MTX3: variants seen among roughly 807,000 people sequenced by gnomAD.
MTX3 encodes the protein metaxin-3.
Under a neutral mutation model 42.5 loss-of-function variants are expected in MTX3, and 27 were observed. The ratio of observed to expected loss-of-function variants is 0.64; its 90% CI spans 0.47 to 0.88. The LOEUF (loss-of-function observed/expected upper bound fraction) is 0.88, where lower values mean the gene tolerates loss of function less well. Ranked by LOEUF, MTX3 falls within the 40% of genes least tolerant of loss-of-function variation. The pLI is 0.00. For missense variants in MTX3, 378 were observed against 367.0 expected (o/e 1.03, Z -0.25); for synonymous variants, 144 against 132.9 (o/e 1.08, Z -0.57).
intron 7 of MTX3, 72 bp from the exon 8 acceptor site, chr5:79,985,731 G>A: frequency 9.2e-7 from 1 of 1,090,154 alleles, no homozygotes; most frequent in East Asian, 2.5e-5. Context: ...TAGATTGAAA[G>A]AATTTTGAGT....
chr5:79,988,396 C>G, intron 5 of MTX3, 66 bp downstream of exon 5: 1 of 1,549,720 alleles, frequency 6.5e-7, no homozygotes, highest in African/African-American at 1.4e-5. Context: ...TAGGTAAACT[C>G]AAGTCTGCAT....
Position 79,991,190 on chromosome 5 carries a change from G to A in MTX3, c.49C>T (p.Pro17Ser), listed in dbSNP as rs1370170845. Residue 17 changes from proline (P) to serine (S), a missense_variant, in exon 1 of 9, where the codon CCA (proline) becomes TCA (serine). Coordinates refer to ENST00000512528, the MANE Select transcript of MTX3 (RefSeq NM_001363818.2). ...ACCAGGGACTCGCTGTGAACCGATG[G>A]GAGTCCCCAGCCGCCTCCCCAGCAA... ...LSCWGGGWGL[P>S]SVHSESLVVM... 1 of 1,499,764 alleles carries A rather than the reference G, an allele frequency of 6.7e-7. No homozygotes were observed. The highest frequency in any genetic ancestry group is 1.3e-5 in the South Asian group (1 of 77,368). 92.9% of individuals were successfully genotyped at this position (1,499,764 alleles called of 1,614,324 possible).
intron 8 of MTX3, 68 bp from the exon 9 acceptor site, chr5:79,983,862 C>T: frequency 1.0e-6 from 1 of 986,728 alleles, no homozygotes; most frequent in South Asian, 1.4e-5. Flanking sequence ...GTGGCCTCCC[C>T]ATCCAAACTA....
At chr5:79,991,085 A>C in intron 1 of MTX3, 73 bp downstream of exon 1, 1 of 1,416,322 alleles carries the variant, frequency 7.1e-7, no homozygotes, top group Non-Finnish European at 9.8e-7. Flanking sequence ...GCAGCGGGAA[A>C]CTGGGGCAAG....
rs1400700896 is a variant in MTX3 at position 79,976,982 on chromosome 5, A to ATGTT, written c.*6698_*6701dup. 6.6e-6 allele frequency: 1 copy of ATGTT among 152,344 alleles called. No individual in the cohort carries two copies. 9.4% of individuals were successfully genotyped at this position (152,344 alleles called of 1,614,324 possible). A position where few individuals can be genotyped will look rare whatever the true frequency, so the allele number is the denominator to read the frequency against. ...TGCAACTAGAACAGATGTTTTTAAA[A>ATGTT]TGTTTGCCATTCAAAGATAGGCTTG... On this transcript the variant is annotated 3_prime_UTR_variant, in exon 9 of 9. Transcript: ENST00000512528.
Position 79,979,340 on chromosome 5 carries a change from A to T in MTX3, c.*4344T>A, listed in dbSNP as rs1012783683. 1.1e-4 allele frequency: 17 copies of T among 152,250 alleles called. No homozygotes were observed. The highest frequency in any genetic ancestry group is 2.4e-4 in the Non-Finnish European group (16 of 68,046). The allele number at this position is 152,250 out of a possible 1,614,324, so 9.4% of individuals were successfully genotyped here. A position where few individuals can be genotyped will look rare whatever the true frequency, so the allele number is the denominator to read the frequency against. On this transcript the variant is annotated 3_prime_UTR_variant, in exon 9 of 9. Transcript: ENST00000512528. ...CGTAACTAACAACAAATTTCTTTAA[A>T]ATCTGGTTAAGAAATATGAAAATAT...
chr5:79,986,729 T>C (rs1831498997), intron 7 of MTX3: 1 of 578,556 alleles, frequency 1.7e-6, no homozygotes, highest in Admixed American at 2.9e-5. Flanking sequence ...AACGTAAAAA[T>C]CCAGCGGAAT....
rs1200053450 is a variant in MTX3, at chr5:79,980,108, T to A, written c.*3576A>T. ...TAGGTTTTAAAAGGGTTGAAGTTTT[T>A]GACAGTTGATGAAAAACTGTCAAAA... On this transcript the variant is annotated 3_prime_UTR_variant, in exon 9 of 9. Coordinates refer to ENST00000512528, the MANE Select transcript of MTX3 (RefSeq NM_001363818.2). 1 of 152,180 alleles carries A rather than the reference T, an allele frequency of 6.6e-6. No homozygotes were observed. Among genetic ancestry groups the A allele is most frequent in the African/African-American group, 2.4e-5 (1 of 41,446 alleles). The allele number at this position is 152,180 out of a possible 1,614,324, so 9.4% of individuals were successfully genotyped here. A position where few individuals can be genotyped will look rare whatever the true frequency, so the allele number is the denominator to read the frequency against.
In MTX3 at chr5:79,980,439, C is replaced by T. The variant is rs1831347087; in HGVS notation, c.*3245G>A. 1 of 151,898 alleles carries T rather than the reference C, an allele frequency of 6.6e-6. No individual in the cohort carries two copies. The highest frequency in any genetic ancestry group is 6.6e-5 in the Admixed American group (1 of 15,248). The allele number at this position is 151,898 out of a possible 1,614,324, so 9.4% of individuals were successfully genotyped here. On this transcript the variant is annotated 3_prime_UTR_variant, in exon 9 of 9. Coordinates refer to ENST00000512528, the MANE Select transcript of MTX3 (RefSeq NM_001363818.2). ...TATAAAATCTCCAGTCTCGCAGCAC[C>T]CCCAATATAATACAAACAAACTTAA...
At position 79,981,840 on chromosome 5, in the gene MTX3, T is replaced by C. The variant is rs1831381066; in HGVS notation, c.*1844A>G. ...TTTTACATGTAATATACTTGTAATA[T>C]ACATGTAATGTACTTGTACGTTATA... On this transcript the variant is annotated 3_prime_UTR_variant, in exon 9 of 9. Transcript: ENST00000512528. 1 of 152,306 alleles carries C rather than the reference T, an allele frequency of 6.6e-6. No homozygotes were observed. Among genetic ancestry groups the C allele is most frequent in the African/African-American group, 2.4e-5 (1 of 41,566 alleles). 9.4% of individuals were successfully genotyped at this position (152,306 alleles called of 1,614,324 possible).
At chr5:79,988,184 G>A (rs927406820) in intron 6 of MTX3, 55 bp downstream of exon 6, 3 of 976,208 alleles carry the variant, frequency 3.1e-6, no homozygotes, top group Non-Finnish European at 4.8e-6. Context: ...TTAAATAGCT[G>A]CTCACTGAAT....
chr5:79,980,610 G>A lies in MTX3; in HGVS notation c.*3074C>T, dbSNP rs1242087360. ...TCTGATGGATGATTGATGGTAGTTT[G>A]TTCATGGAAGATCTTCATCTTATGG... On this transcript the variant is annotated 3_prime_UTR_variant, in exon 9 of 9. Coordinates refer to ENST00000512528, the MANE Select transcript of MTX3 (RefSeq NM_001363818.2). 1 of 150,752 alleles carries A rather than the reference G, an allele frequency of 6.6e-6. No homozygotes were observed. Among genetic ancestry groups the A allele is most frequent in the Non-Finnish European group, 1.5e-5 (1 of 67,830 alleles). The allele number at this position is 150,752 out of a possible 1,614,324, so 9.3% of individuals were successfully genotyped here.
At chr5:79,984,148 C>T (rs1038903044) in intron 8 of MTX3, among the ~76,000 whole-genome samples, 8 of 152,278 alleles carry the variant, frequency 5.3e-5, no homozygotes, top group African/African-American at 1.9e-4. Flanking sequence ...AAACTATGTT[C>T]ACGTACAGTA....
At chr5:79,986,717 G>C in intron 7 of MTX3, 1 of 574,168 alleles carries the variant, frequency 1.7e-6, no homozygotes, top group Non-Finnish European at 3.1e-6. Flanking sequence ...ACAAGAAGAA[G>C]AAACGTAAAA....
In MTX3 at chr5:79,978,258, T is replaced by C. The variant is rs1831298038; in HGVS notation, c.*5426A>G. 6.6e-6 allele frequency: 1 copy of C among 152,200 alleles called. No homozygotes were observed. Among genetic ancestry groups the C allele is most frequent in the South Asian group, 2.1e-4 (1 of 4,834 alleles). 9.4% of individuals were successfully genotyped at this position (152,200 alleles called of 1,614,324 possible). A position where few individuals can be genotyped will look rare whatever the true frequency, so the allele number is the denominator to read the frequency against. On this transcript the variant is annotated 3_prime_UTR_variant, in exon 9 of 9. Transcript: ENST00000512528. ...CTGTAGGGCAGCATTTCCTTAGGTG[T>C]ATCTCTCAGAACATAAATCCCACAA...
chr5:79,988,713 G>T, intron 4 of MTX3, 69 bp from the exon 5 acceptor site: 1 of 1,345,272 alleles, frequency 7.4e-7, no homozygotes, highest in Non-Finnish European at 1.0e-6. Context: ...CAATCAACAT[G>T]AGAGTTTTTC....
intron 7 of MTX3, 79 bp from the exon 8 acceptor site, chr5:79,985,738 G>T: frequency 1.0e-6 from 1 of 993,886 alleles, no homozygotes; most frequent in Non-Finnish European, 1.5e-6. Flanking sequence ...AAAGAATTTT[G>T]AGTCTACCCA....
At chr5:79,989,696 T>C (rs138007635) in intron 3 of MTX3, among the ~76,000 whole-genome samples, 2 of 152,366 alleles carry the variant, frequency 1.3e-5, no homozygotes, top group East Asian at 1.9e-4. Context: ...TATAAATCTT[T>C]ACATGTTTAA....
intron 7 of MTX3, 111 bp from the exon 8 acceptor site, chr5:79,985,770 C>A (rs1360200594): frequency 1.1e-5 from 7 of 664,788 alleles, no homozygotes; most frequent in Non-Finnish European, 1.8e-5. Flanking sequence ...GCCCCACCCT[C>A]CCCAAAAAAG....
Sources: gnomAD v4.1 joint callset for allele counts (sites outside exome capture counted in the v4.1 genomes callset) on GRCh38, gnomAD v4.1.1 for gene constraint, MANE v1.5 for transcripts, NCBI Gene and HGNC (gene_info 2026-07-23, HGNC 2026-07-21) for gene names.